Variants in SGCZ observed in about 807,000 individuals in gnomAD.
The protein encoded by SGCZ is sarcoglycan zeta.
Under a neutral mutation model 41.3 loss-of-function variants are expected in SGCZ, and 40 were observed. That is an observed-to-expected ratio of 0.97 (90% CI 0.75 to 1.26). SGCZ has a LOEUF of 1.26. Among genes scored for constraint, SGCZ ranks in the 50% most tolerant of loss-of-function variants. The pLI is 0.00. For missense variants in SGCZ, 552 were observed against 369.8 expected (o/e 1.49, Z -4.04); for synonymous variants, 206 against 137.5 (o/e 1.50, Z -3.49).
chr8:14,618,294 T>C (rs1035965210), intron 1 of SGCZ, among the ~76,000 whole-genome samples: 1 of 152,198 alleles, frequency 6.6e-6, no homozygotes, highest in Non-Finnish European at 1.5e-5. Context: ...ATTTGGGAGA[T>C]AGGGGTTGAA....
intron 1 of SGCZ, among the ~76,000 whole-genome samples, chr8:15,169,957 T>C (rs182218952): frequency 2.6e-4 from 39 of 152,334 alleles, no homozygotes; most frequent in Non-Finnish European, 4.7e-4. Context: ...TCATAGATAT[T>C]TGTTTCCAGT....
At chr8:14,321,673 G>A (rs1310433713) in intron 3 of SGCZ, among the ~76,000 whole-genome samples, 1 of 152,006 alleles carries the variant, frequency 6.6e-6, no homozygotes, top group Non-Finnish European at 1.5e-5. Flanking sequence ...ATTCTACCCA[G>A]CATTTTTTTT....
chr8:14,788,775 C>T (rs1448196198), intron 1 of SGCZ, among the ~76,000 whole-genome samples: 1 of 152,128 alleles, frequency 6.6e-6, no homozygotes, highest in Non-Finnish European at 1.5e-5. Context: ...TAGCTTCCTG[C>T]CAGCCTCCCG....
intron 5 of SGCZ, among the ~76,000 whole-genome samples, chr8:14,122,728 C>T (rs941993586): frequency 6.6e-6 from 1 of 152,142 alleles, no homozygotes; most frequent in African/African-American, 2.4e-5. Context: ...TTGTGGTCAA[C>T]TCATTTCTTC....
At chr8:14,204,716 C>T (rs1286631167) in intron 4 of SGCZ, among the ~76,000 whole-genome samples, 10 of 152,106 alleles carry the variant, frequency 6.6e-5, no homozygotes, top group Non-Finnish European at 1.3e-4. Flanking sequence ...AAACCAGATC[C>T]TTTATTTTTA....
At position 14,267,704 on chromosome 8, in the gene SGCZ, C is replaced by T. The variant is rs200486907; in HGVS notation, c.337-30025G>A. On this transcript the variant is annotated intron_variant, in intron 3 of 7. Transcript: ENST00000382080. ...TGAATATGATACATTTGTAAAATCTCTTTGGGATCTTGGTCCACTCATCTG... is the reference window on the plus strand; with the variant it reads ...TGAATATGATACATTTGTAAAATCTTTTTGGGATCTTGGTCCACTCATCTG... Among the ~76,000 whole-genome samples the T allele has an allele frequency of 2.0e-5, 3 of 152,114 alleles. No homozygotes were observed. In the East Asian group the frequency reaches 5.8e-4, roughly 29 times the overall value.
chr8:14,301,900 G>C (rs898927495), intron 3 of SGCZ, among the ~76,000 whole-genome samples: 1 of 152,136 alleles, frequency 6.6e-6, no homozygotes, highest in Admixed American at 6.5e-5. Context: ...AGATGAAAAA[G>C]ATAATTTTGT....
At chr8:15,219,064 T>C (rs1270053491) in intron 1 of SGCZ, among the ~76,000 whole-genome samples, 16 of 152,204 alleles carry the variant, frequency 1.1e-4, no homozygotes, top group Non-Finnish European at 2.1e-4. Context: ...TCTCCACGAT[T>C]AGGAAGATAA....
At chr8:15,062,820 G>A (rs1804985923) in intron 1 of SGCZ, among the ~76,000 whole-genome samples, 1 of 152,092 alleles carries the variant, frequency 6.6e-6, no homozygotes, top group African/African-American at 2.4e-5. Context: ...CACTACATAT[G>A]ATTAATCGAT....
intron 1 of SGCZ, among the ~76,000 whole-genome samples, chr8:14,918,399 G>T (rs62493338): frequency 0.016 from 2,410 of 151,724 alleles, 30 homozygotes; most frequent in Middle Eastern, 0.024. Context: ...AATTTTCTCG[G>T]GGTCTCTCAT....
intron 2 of SGCZ, among the ~76,000 whole-genome samples, chr8:14,334,102 G>A (rs1802428618): frequency 6.6e-6 from 1 of 151,960 alleles, no homozygotes; most frequent in East Asian, 1.9e-4. Flanking sequence ...TTCCTAAAAG[G>A]AGAATCACCT....
Position 14,322,314 on chromosome 8 carries a change from T to C in SGCZ, c.336+1789A>G, listed in dbSNP as rs182251973. Among the ~76,000 whole-genome samples the C allele has an allele frequency of 1.1e-3, 172 of 152,104 alleles. 1 individual carries two copies. Among genetic ancestry groups the C allele is most frequent in the African/African-American group, 4.0e-3 (165 of 41,520 alleles). On this transcript the variant is annotated intron_variant, in intron 3 of 7. Coordinates refer to ENST00000382080, the MANE Select transcript of SGCZ (RefSeq NM_139167.4). ...AAGGACCAGCATCAGGGCTGGGATA[T>C]GAAGCGGAGCATATATTCTTCAGTC...
At chr8:14,562,366 G>A (rs1035328051) in intron 1 of SGCZ, among the ~76,000 whole-genome samples, 2 of 151,994 alleles carry the variant, frequency 1.3e-5, no homozygotes, top group Non-Finnish European at 2.9e-5. Flanking sequence ...CACGTTTGAC[G>A]AAAACACAAT....
intron 4 of SGCZ, among the ~76,000 whole-genome samples, chr8:14,188,470 T>C (rs1365475440): frequency 6.6e-6 from 1 of 152,220 alleles, no homozygotes; most frequent in African/African-American, 2.4e-5. Context: ...TATATGGTTA[T>C]ATTTATATTA....
At chr8:14,379,560 T>C (rs1264830220) in intron 2 of SGCZ, among the ~76,000 whole-genome samples, 1 of 152,096 alleles carries the variant, frequency 6.6e-6, no homozygotes, top group African/African-American at 2.4e-5. Flanking sequence ...TGATCATTTA[T>C]AAAATTCATG....
intron 1 of SGCZ, among the ~76,000 whole-genome samples, chr8:14,793,322 T>A (rs893844296): frequency 5.3e-5 from 8 of 152,190 alleles, no homozygotes; most frequent in African/African-American, 1.7e-4. Flanking sequence ...ATAATCCAAT[T>A]TTCACATCAT....
At chr8:14,528,849 C>CA (rs1563388670) in intron 2 of SGCZ, among the ~76,000 whole-genome samples, 1 of 130,368 alleles carries the variant, frequency 7.7e-6, no homozygotes, top group Non-Finnish European at 1.6e-5. Context: ...AAAACAAAAA[C>CA]AAAAAAAGAG....
chr8:14,603,149 A>T (rs1510426), intron 1 of SGCZ, among the ~76,000 whole-genome samples: 144,445 of 152,230 alleles, frequency 0.95, 68,669 homozygotes, highest in South Asian at 0.99. Flanking sequence ...ACTGCCACAT[A>T]TAGGTCAACC....
At chr8:14,247,222 T>G (rs1318913744) in intron 3 of SGCZ, among the ~76,000 whole-genome samples, 1 of 152,204 alleles carries the variant, frequency 6.6e-6, no homozygotes, top group Non-Finnish European at 1.5e-5. Flanking sequence ...TGGAGGCCAC[T>G]GCTAGGAATC....
Sources: gnomAD v4.1 joint callset for allele counts (sites outside exome capture counted in the v4.1 genomes callset) on GRCh38, gnomAD v4.1.1 for gene constraint, MANE v1.5 for transcripts, NCBI Gene and HGNC (gene_info 2026-07-23, HGNC 2026-07-21) for gene names.